Variants in OGFOD3 observed in about 807,000 individuals in gnomAD.
OGFOD3 encodes 2-oxoglutarate and iron dependent oxygenase domain containing 3.
In OGFOD3, 35 loss-of-function variants were observed where a neutral mutation model predicts 39.8. The observed-to-expected ratio is 0.88, with a 90% CI of 0.67 to 1.17. The LOEUF (loss-of-function observed/expected upper bound fraction) is 1.17. Ranked by LOEUF, OGFOD3 falls within the 50% of genes most tolerant of loss-of-function variation. The pLI is 0.00. For synonymous variants in OGFOD3, 200 were observed against 192.0 expected, an observed-to-expected ratio of 1.04 and a Z score of -0.34; for missense variants, 438 against 454.5, an observed-to-expected ratio of 0.96 and a Z score of 0.33.
intron 2 of OGFOD3, 131 bp from the exon 3 acceptor site, chr17:82,411,661 T>G: frequency 1.4e-5 from 10 of 691,910 alleles, no homozygotes; most frequent in Non-Finnish European, 2.3e-5. Context: ...ACCACAGCTC[T>G]CCAGCGTGCA....
At chr17:82,408,929 C>T (rs986088947) in intron 4 of OGFOD3, among the ~76,000 whole-genome samples, 8 of 152,200 alleles carry the variant, frequency 5.3e-5, no homozygotes, top group Admixed American at 2.6e-4. Flanking sequence ...TCCATGGAGG[C>T]GTCCAGCTAG....
In OGFOD3 at chr17:82,406,615, G is replaced by C. The variant is rs1395446534; in HGVS notation, c.424-133C>G. The C allele has an allele frequency of 3.9e-6, 3 of 767,142 alleles. No homozygotes were observed. In the East Asian group the frequency reaches 8.0e-5, roughly 21 times the overall value. The allele number at this position is 767,142 out of a possible 1,614,324, so 47.5% of individuals were successfully genotyped here. ...CAGGTGTTTTTTTGTTTTTGTTTTT[G>C]TTTTTTGTAAAAAGGATCTTATTCT... is the stretch of plus-strand genomic sequence containing the variant. On this transcript the variant is annotated intron_variant, in intron 4 of 8. Transcript: ENST00000313056. The surrounding 1 kb of genome is among the most constrained non-coding windows in gnomAD (Gnocchi z 5.2).
intron 4 of OGFOD3, among the ~76,000 whole-genome samples, chr17:82,407,317 A>C (rs2052871637): frequency 6.6e-6 from 1 of 151,822 alleles, no homozygotes; most frequent in Non-Finnish European, 1.5e-5. Flanking sequence ...CCTGTGACCT[A>C]AAGAATGGTG....
At chr17:82,396,353 T>C (rs2052673613) in intron 8 of OGFOD3, among the ~76,000 whole-genome samples, 1 of 149,252 alleles carries the variant, frequency 6.7e-6, no homozygotes, top group South Asian at 2.1e-4. Context: ...CAATTAGATG[T>C]ACGACATCAA....
chr17:82,398,104 A>G (rs1377058536), intron 8 of OGFOD3, 92 bp downstream of exon 8: 2 of 1,501,434 alleles, frequency 1.3e-6, no homozygotes, highest in East Asian at 4.5e-5. Context: ...TGCTCCGTGA[A>G]CTCAGCCTCG....
chr17:82,396,243 A>G (rs2052671255), intron 8 of OGFOD3, among the ~76,000 whole-genome samples: 1 of 146,980 alleles, frequency 6.8e-6, no homozygotes, highest in Non-Finnish European at 1.5e-5. Flanking sequence ...GATACACACA[A>G]TTAGACAGAT....
chr17:82,396,155 CG>C (rs1354595554), intron 8 of OGFOD3, among the ~76,000 whole-genome samples: 164 of 148,122 alleles, frequency 1.1e-3, no homozygotes, highest in African/African-American at 3.9e-3. Context: ...GACAGATGTA[CG>C]ACATCAAATC....
intron 5 of OGFOD3, 142 bp from the exon 6 acceptor site, chr17:82,405,522 T>A (rs1292215994): frequency 1.7e-5 from 13 of 745,318 alleles, no homozygotes; most frequent in Non-Finnish European, 2.6e-5. Flanking sequence ...ATAACTGCTA[T>A]AAAGGAGCCG....
chr17:82,411,178 C>G (rs2052936080), intron 3 of OGFOD3, among the ~76,000 whole-genome samples: 2 of 151,596 alleles, frequency 1.3e-5, no homozygotes, highest in Non-Finnish European at 2.9e-5. Context: ...TCCTGAGTAG[C>G]TGGGACTACA....
chr17:82,411,974 G>A (rs115690845), intron 2 of OGFOD3, among the ~76,000 whole-genome samples: 1,668 of 151,466 alleles, frequency 0.011, 30 homozygotes, highest in African/African-American at 0.039. Context: ...GGCCACCAGA[G>A]GGGGGAACCC....
At chr17:82,418,310 C>A (rs1339212541) in intron 1 of OGFOD3, 102 bp downstream of exon 1, 1 of 177,478 alleles carries the variant, frequency 5.6e-6, no homozygotes, top group African/African-American at 2.5e-5. Context: ...CCCCACCCCC[C>A]CACCCGGGTC....
rs777470503 is a variant in OGFOD3 at position 82,392,522 on chromosome 17, A to C, written c.836T>G (p.Phe279Cys). 1 of 1,590,900 alleles carries C rather than the reference A, an allele frequency of 6.3e-7. No individual in the cohort carries two copies. ...TVEPRAGRVS[F>C]FTSGSENLHR... Reference sequence around the variant, plus strand: ...TAGGTTCTCGGACCCCGAGGTGAAGAAGGAGACGCGACCTGGGAGAGGAGA... The same window carrying C: ...TAGGTTCTCGGACCCCGAGGTGAAGCAGGAGACGCGACCTGGGAGAGGAGA... The change falls in exon 9 of 9, where the codon TTC becomes TGC. Residue 279 changes from phenylalanine to cysteine, a missense_variant. Coordinates refer to ENST00000313056, the MANE Select transcript of OGFOD3 (RefSeq NM_024648.3). The surrounding 1 kb of genome is among the most constrained non-coding windows in gnomAD (Gnocchi z 4.2).
chr17:82,401,865 A>C (rs895064333), intron 7 of OGFOD3, among the ~76,000 whole-genome samples: 4 of 150,988 alleles, frequency 2.6e-5, no homozygotes, highest in Non-Finnish European at 4.4e-5. Flanking sequence ...CAAATGTCAC[A>C]CGGCACAGAA....
intron 3 of OGFOD3, among the ~76,000 whole-genome samples, chr17:82,410,673 C>T (rs532634957): frequency 2.7e-5 from 4 of 148,182 alleles, no homozygotes; most frequent in Admixed American, 1.3e-4. Context: ...CTCCTGAAAT[C>T]GGAAAATCTG....
rs539955537 is a variant in OGFOD3, at chr17:82,398,651, G to A, written c.700-332C>T. Among the ~76,000 whole-genome samples, 3 of 151,876 alleles carry A rather than the reference G, an allele frequency of 2.0e-5. No individual in the cohort carries two copies. In the South Asian group the frequency reaches 6.2e-4, roughly 32 times the overall value. On this transcript the variant is annotated intron_variant, in intron 7 of 8. Transcript: ENST00000313056. ...TGATCTCAGGTGATCCACCCACCTT[G>A]GCCTCCCAAAGTGCTGGGATTACGG...
rs545906240 is a variant in OGFOD3, at chr17:82,390,560, C to T, written c.*1838G>A. ...GGGCGCGGGAGCCTCAGGGTTCCTGCCCCATCTGCCCAGAGCCTGCAGCCC... is the reference window on the plus strand; with the variant it reads ...GGGCGCGGGAGCCTCAGGGTTCCTGTCCCATCTGCCCAGAGCCTGCAGCCC... On this transcript the variant is annotated 3_prime_UTR_variant, in exon 9 of 9. Coordinates refer to ENST00000313056, the MANE Select transcript of OGFOD3 (RefSeq NM_024648.3). This position sits in a 1 kb window ranked among gnomAD's most constrained non-coding sequence, Gnocchi z 4.9. The T allele has an allele frequency of 2.2e-4, 34 of 156,210 alleles. No individual in the cohort carries two copies. In the South Asian group the frequency reaches 6.0e-3, roughly 28 times the overall value. 9.7% of individuals were successfully genotyped at this position (156,210 alleles called of 1,614,324 possible). A position where few individuals can be genotyped will look rare whatever the true frequency, so the allele number is the denominator to read the frequency against.
In OGFOD3 at chr17:82,418,449, C is replaced by T; in HGVS notation, c.37G>A (p.Glu13Lys). ...CGGCGCTCGGCCGCTCCGTTGCCCT[C>T]GGGCGCCTTGGTTGCGGCCCTCCGC... ...PQRRAATKAP[E>K]GNGAAERRNR... The change falls in exon 1 of 9, where the codon GAG becomes AAG. Residue 13 changes from glutamate to lysine, a missense_variant. Glu to Lys is a moderately conservative substitution (Grantham distance 56). Coordinates refer to ENST00000313056, the MANE Select transcript of OGFOD3 (RefSeq NM_024648.3). 5 of 1,476,772 alleles carry T rather than the reference C, an allele frequency of 3.4e-6. No homozygotes were observed. Among genetic ancestry groups the T allele is most frequent in the Non-Finnish European group, 3.6e-6 (4 of 1,119,758 alleles). 91.5% of individuals were successfully genotyped at this position (1,476,772 alleles called of 1,614,324 possible).
rs914717702 is a variant in OGFOD3, at chr17:82,403,920, C to T, written c.699+17G>A. On this transcript the variant is annotated intron_variant, in intron 7 of 8. Transcript: ENST00000313056. ...CTTGTCCACGGGCACGCTCACCCTG[C>T]CCACGGGCGCGCTCACCTTGTCCAC... The T allele has an allele frequency of 6.3e-7, 1 of 1,589,830 alleles. No homozygotes were observed. The highest frequency in any genetic ancestry group is 2.3e-5 in the East Asian group (1 of 44,076).
intron 5 of OGFOD3, among the ~76,000 whole-genome samples, chr17:82,405,970 A>T (rs1402661830): frequency 6.6e-6 from 1 of 152,008 alleles, no homozygotes; most frequent in Non-Finnish European, 1.5e-5. Flanking sequence ...ATAATAATAA[A>T]AACAAGGAGC....
Sources: allele counts gnomAD v4.1 joint callset (sites outside exome capture counted in the v4.1 genomes callset), GRCh38; gene constraint gnomAD v4.1.1; non-coding constraint Gnocchi (gnomAD v3.1); transcripts MANE v1.5; gene names NCBI Gene and HGNC (gene_info 2026-07-23, HGNC 2026-07-21).